The following TC2N variants were observed in gnomAD, a reference collection of about 807,000 sequenced individuals.
The protein encoded by TC2N is tandem C2 domains nuclear protein.
A neutral mutation model predicts 61.9 loss-of-function variants in TC2N; 51 were observed. That is an observed-to-expected ratio of 0.82 (90% CI 0.66 to 1.04). The LOEUF (loss-of-function observed/expected upper bound fraction) is 1.04. TC2N is among the 50% of genes least tolerant of loss of function. TC2N has a pLI of 0.00. For synonymous variants in TC2N, 204 were observed against 192.6 expected, an observed-to-expected ratio of 1.06 and a Z score of -0.49; for missense variants, 556 against 566.7, an observed-to-expected ratio of 0.98 and a Z score of 0.19.
chr14:91,864,083 G>T (rs1888648263), intron 1 of TC2N, among the ~76,000 whole-genome samples: 1 of 152,158 alleles, frequency 6.6e-6, no homozygotes, highest in Non-Finnish European at 1.5e-5. Context: ...AGGTCTGCAT[G>T]CCAGGGGATC....
At chr14:91,806,162 C>T (rs979227288) in intron 3 of TC2N, among the ~76,000 whole-genome samples, 1 of 152,100 alleles carries the variant, frequency 6.6e-6, no homozygotes, top group African/African-American at 2.4e-5. Flanking sequence ...ATTGTAAGGC[C>T]TCCCCAGCCA....
In TC2N at chr14:91,802,409, G is replaced by A. The variant is rs745652162; in HGVS notation, c.314C>T (p.Ala105Val). Residue 105 changes from alanine to valine, a missense_variant, in exon 4 of 12, where the codon GCA becomes GTA. By Grantham distance (64) the Ala-to-Val change is moderately conservative. Transcript: ENST00000435962. ...TTCTACCTTTCGATCTCCAAAAGAT[G>A]CTCTGGCAGATCCTGAAAGCAAATG... ...HLEELEGSAR[A>V]SFGDRKVELS... 6.2e-7 allele frequency: 1 copy of A among 1,610,134 alleles called. No individual in the cohort carries two copies. The highest frequency in any genetic ancestry group is 8.5e-7 in the Non-Finnish European group (1 of 1,178,666).
chr14:91,844,213 C>T (rs1353828394), intron 1 of TC2N, among the ~76,000 whole-genome samples: 1 of 152,142 alleles, frequency 6.6e-6, no homozygotes, highest in Non-Finnish European at 1.5e-5. Context: ...TAAGTAACAT[C>T]CCCCCAGGAA....
intron 1 of TC2N, among the ~76,000 whole-genome samples, chr14:91,820,657 C>T (rs1887203348): frequency 6.6e-6 from 1 of 150,714 alleles, no homozygotes; most frequent in Non-Finnish European, 1.5e-5. Context: ...TCTTGGAAAT[C>T]AAGAAGTAAA....
At chr14:91,820,817 CA>C (rs1377453834) in intron 1 of TC2N, among the ~76,000 whole-genome samples, 3 of 151,608 alleles carry the variant, frequency 2.0e-5, no homozygotes, top group Non-Finnish European at 4.4e-5. Flanking sequence ...TAACCATGAA[CA>C]CTCCAAAAAT....
intron 1 of TC2N, among the ~76,000 whole-genome samples, chr14:91,825,595 A>G (rs1887460438): frequency 6.6e-6 from 1 of 152,154 alleles, no homozygotes; most frequent in Non-Finnish European, 1.5e-5. Context: ...GCAAATACCA[A>G]GCTTCAAAAT....
At chr14:91,820,046 A>C (rs1887174195) in intron 1 of TC2N, among the ~76,000 whole-genome samples, 1 of 152,176 alleles carries the variant, frequency 6.6e-6, no homozygotes, top group Admixed American at 6.5e-5. Flanking sequence ...TTTGAACTTA[A>C]TTATATCAAG....
At chr14:91,826,268 C>T (rs1887493948) in intron 1 of TC2N, among the ~76,000 whole-genome samples, 1 of 145,786 alleles carries the variant, frequency 6.9e-6, no homozygotes, top group African/African-American at 2.6e-5. Context: ...TGTGGGAAGC[C>T]GTGATCGCAT....
At chr14:91,852,211 T>A (rs749175728) in intron 1 of TC2N, among the ~76,000 whole-genome samples, 1 of 152,152 alleles carries the variant, frequency 6.6e-6, no homozygotes, top group Non-Finnish European at 1.5e-5. Context: ...GCAGATCACC[T>A]GAGGTTGGGA....
rs1350050903 is a variant in TC2N at position 91,785,197 on chromosome 14, G to A, written c.1327C>T (p.Arg443Ter). The change falls in exon 11 of 12, where the codon CGA becomes TGA. Residue 443 changes from arginine to a stop codon, truncating the protein, a stop_gained. Transcript: ENST00000435962. LOFTEE classifies it high-confidence loss of function. ...AAGTGTTTTCTTCTTACAGAGCTTC[G>A]ACTGTAAAGCTTAATGAGAAAAACA... The part of the protein sequence containing the change: ...EIVFLIKLYS[R>*]SSVRRKHFVG... 3.7e-6 allele frequency: 6 copies of A among 1,613,178 alleles called. No individual in the cohort carries two copies. Among genetic ancestry groups the A allele is most frequent in the African/African-American group, 2.7e-5 (2 of 74,862 alleles).
chr14:91,792,986 T>C (rs1404779536), intron 8 of TC2N, among the ~76,000 whole-genome samples: 1 of 152,226 alleles, frequency 6.6e-6, no homozygotes, highest in Admixed American at 6.5e-5. Context: ...GAGACTTGAA[T>C]TGTTTCTTTA....
chr14:91,790,857 G>A (rs1012158765), intron 9 of TC2N, among the ~76,000 whole-genome samples: 3 of 152,180 alleles, frequency 2.0e-5, no homozygotes, highest in Admixed American at 6.5e-5. Flanking sequence ...AAGGCTGGGC[G>A]CAGTGGCTCA....
chr14:91,785,354 G>GA lies in TC2N; in HGVS notation c.1169dup (p.Val391ArgfsTer7), dbSNP rs566919860. Reference sequence around the variant, plus strand: ...CCGAGCTAAACATTCCCACCTTCACGAAAAAACCTAAAAAATTAGAAATAT... The same window carrying GA: ...CCGAGCTAAACATTCCCACCTTCACGAAAAAAACCTAAAAAATTAGAAATAT... On this transcript the variant is annotated frameshift_variant, in exon 11 of 12. Coordinates refer to ENST00000435962, the MANE Select transcript of TC2N (RefSeq NM_001128596.3). LOFTEE classifies it high-confidence loss of function. 504 of 1,609,670 alleles carry GA rather than the reference G, an allele frequency of 3.1e-4. 1 individual carries two copies. The highest frequency in any genetic ancestry group is 4.2e-4 in the Non-Finnish European group (491 of 1,178,390).
At chr14:91,850,880 G>A (rs970694022) in intron 1 of TC2N, among the ~76,000 whole-genome samples, 1 of 152,058 alleles carries the variant, frequency 6.6e-6, no homozygotes, top group African/African-American at 2.4e-5. Context: ...GCAGTGAGCC[G>A]ATATTGCACC....
In TC2N at chr14:91,835,578, C is replaced by T. The variant is rs192318011; in HGVS notation, c.-56-21753G>A. Among the ~76,000 whole-genome samples, 83 of 152,322 alleles carry T rather than the reference C, an allele frequency of 5.4e-4. 3 individuals carry two copies. Among genetic ancestry groups the T allele is most frequent in the Admixed American group, 6.5e-4 (10 of 15,304 alleles). On this transcript the variant is annotated intron_variant, in intron 1 of 11. Transcript: ENST00000435962. ...ATCTTGTCTATACCCAGATGTCTATCGGTGTGCACTATAGCCCACAGTTCA... is the reference window on the plus strand; with the variant it reads ...ATCTTGTCTATACCCAGATGTCTATTGGTGTGCACTATAGCCCACAGTTCA...
At chr14:91,821,795 CAACTTAA>C (rs1416275795) in intron 1 of TC2N, among the ~76,000 whole-genome samples, 1 of 151,820 alleles carries the variant, frequency 6.6e-6, no homozygotes, top group African/African-American at 2.4e-5. Context: ...AAAACTATTA[CAACTTAA>C]TAATAAAAAG....
chr14:91,856,200 T>G (rs1055549329), intron 1 of TC2N, among the ~76,000 whole-genome samples: 3 of 152,132 alleles, frequency 2.0e-5, no homozygotes, highest in African/African-American at 7.2e-5. Context: ...TTCAAGATAC[T>G]TTTAAGGGCC....
intron 1 of TC2N, among the ~76,000 whole-genome samples, chr14:91,861,246 T>C (rs757697150): frequency 1.3e-5 from 2 of 152,190 alleles, no homozygotes; most frequent in African/African-American, 2.4e-5. Context: ...AAGTACCATG[T>C]TCACATAAGT....
chr14:91,834,368 G>A (rs11844482), intron 1 of TC2N, among the ~76,000 whole-genome samples: 2,888 of 152,266 alleles, frequency 0.019, 88 homozygotes, highest in African/African-American at 0.065. Flanking sequence ...AACCATGAGA[G>A]AGGAACAATG....
Sources: allele counts gnomAD v4.1 joint callset (sites outside exome capture counted in the v4.1 genomes callset), GRCh38; gene constraint gnomAD v4.1.1; transcripts MANE v1.5; gene names NCBI Gene and HGNC (gene_info 2026-07-23, HGNC 2026-07-21).